Variants in RARB observed in about 807,000 individuals in gnomAD.
RARB encodes retinoic acid receptor beta.
RARB carries 17 observed loss-of-function variants against 51.9 expected under a neutral mutation model. The ratio of observed to expected loss-of-function variants is 0.33; its 90% CI spans 0.22 to 0.49. The LOEUF (loss-of-function observed/expected upper bound fraction) is 0.49. RARB is among the 20% of genes least tolerant of loss of function. The pLI, the probability that RARB is intolerant of heterozygous loss-of-function variation, is 0.99. For synonymous variants in RARB, 215 were observed against 195.4 expected (o/e 1.10, Z -0.84); for missense variants, 369 against 550.8 (o/e 0.67, Z 3.30).
chr3:25,081,185 C>A (rs2125312901), intron 3 of RARB, among the ~76,000 whole-genome samples: 1 of 152,024 alleles, frequency 6.6e-6, no homozygotes. Context: ...TTTAAATTAT[C>A]CTTCTGTGAG....
chr3:25,221,556 C>T (rs553309691), intron 5 of RARB, among the ~76,000 whole-genome samples: 2 of 152,306 alleles, frequency 1.3e-5, no homozygotes, highest in South Asian at 2.1e-4. Flanking sequence ...CAAAATTCTG[C>T]ACTAGCCTAA....
chr3:25,008,849 A>G (rs1192340853), intron 2 of RARB, among the ~76,000 whole-genome samples: 3 of 152,098 alleles, frequency 2.0e-5, no homozygotes, highest in African/African-American at 7.2e-5. Flanking sequence ...TATTTTGGTC[A>G]TGTGAACAAT....
chr3:24,919,222 T>C (rs1346059409), intron 2 of RARB, among the ~76,000 whole-genome samples: 2 of 152,234 alleles, frequency 1.3e-5, no homozygotes, highest in Non-Finnish European at 2.9e-5. Context: ...TTCACTACTT[T>C]TTGGCTCAAA....
At chr3:25,233,422 G>A (rs1702229812) in intron 5 of RARB, among the ~76,000 whole-genome samples, 1 of 152,212 alleles carries the variant, frequency 6.6e-6, no homozygotes, top group South Asian at 2.1e-4. Flanking sequence ...ATTAGTTCTA[G>A]GAGGTTTGTG....
intron 5 of RARB, among the ~76,000 whole-genome samples, chr3:25,414,926 C>T (rs577260723): frequency 1.3e-5 from 2 of 152,296 alleles, no homozygotes; most frequent in Admixed American, 1.3e-4. Flanking sequence ...ACTGCAACCT[C>T]CACCTCCTGG....
In RARB at chr3:24,832,652, A is replaced by ATATATATATATATATAT. The variant is rs1491520085; in HGVS notation, c.-459+3250_-459+3251insATATATATATATATATT. On this transcript the variant is annotated intron_variant, in intron 1 of 11. Coordinates refer to the RARB transcript ENST00000383772. ...CAATATATATATATATATATATATA[A>ATATATATATATATATAT]TGTCAATTAAAAATGAAATTCTTAA... Among the ~76,000 whole-genome samples the ATATATATATATATATAT allele has an allele frequency of 2.6e-4, 16 of 61,064 alleles. 1 individual carries two copies. The highest frequency in any genetic ancestry group is 1.4e-3 in the African/African-American group (15 of 10,558). 40.1% of individuals were successfully genotyped at this position (61,064 alleles called of 152,430 possible). A position where few individuals can be genotyped will look rare whatever the true frequency, so the allele number is the denominator to read the frequency against.
Position 25,428,836 on chromosome 3 carries a change from A to T in RARB, c.105A>T (p.Ala35=), listed in dbSNP as rs577970077. The part of the protein sequence containing the change: ...SCMLQEKALK[A]CFSGLTQTEW... ...TGCTCCAGGAGAAAGCTCTCAAAGC[A>T]TGCTTCAGTGGATTGACCCAAACCG... is the stretch of plus-strand genomic sequence containing the variant. The change falls in exon 1 of 8, where the codon GCA becomes GCT. Residue 35 remains alanine (A), a synonymous_variant. Transcript: ENST00000330688. The T allele has an allele frequency of 6.2e-7, 1 of 1,614,130 alleles. No individual in the cohort carries two copies. The highest frequency in any genetic ancestry group is 2.2e-5 in the East Asian group (1 of 44,864).
chr3:25,585,584 A>G (rs537094893), intron 5 of RARB, among the ~76,000 whole-genome samples: 47 of 152,340 alleles, frequency 3.1e-4, no homozygotes, highest in African/African-American at 9.9e-4. Flanking sequence ...GGGTTTTCAT[A>G]TCAGCCCCGT....
intron 2 of RARB, among the ~76,000 whole-genome samples, chr3:24,891,904 C>T (rs1296845513): frequency 6.6e-6 from 1 of 152,124 alleles, no homozygotes; most frequent in African/African-American, 2.4e-5. Flanking sequence ...TCCTAAGCCC[C>T]CCTTGATTCT....
intron 2 of RARB, among the ~76,000 whole-genome samples, chr3:25,478,536 T>C (rs1230959706): frequency 1.3e-5 from 2 of 152,190 alleles, no homozygotes; most frequent in Non-Finnish European, 2.9e-5. Context: ...CTTGCCCTAC[T>C]TCAGGGGACA....
At chr3:25,443,316 T>G in intron 1 of RARB, among the ~76,000 whole-genome samples, 1 of 152,054 alleles carries the variant, frequency 6.6e-6, no homozygotes, top group East Asian at 1.9e-4. Context: ...GTGGAATATT[T>G]CCCTGGGCTA....
chr3:25,176,342 C>T (rs201222943), intron 5 of RARB, among the ~76,000 whole-genome samples: 9,682 of 49,698 alleles, frequency 0.19, 1,109 homozygotes, highest in African/African-American at 0.24. Context: ...TCTTTCCTTC[C>T]TTCCTTCCTT....
chr3:25,444,783 G>C (rs1355699956), intron 1 of RARB, among the ~76,000 whole-genome samples: 1 of 152,172 alleles, frequency 6.6e-6, no homozygotes, highest in Non-Finnish European at 1.5e-5. Context: ...GTGATAGGCA[G>C]GTGGTATTCA....
chr3:24,832,651 A>ATATATATAT (rs1553606277), intron 1 of RARB, among the ~76,000 whole-genome samples: 28 of 136,678 alleles, frequency 2.0e-4, no homozygotes, highest in South Asian at 7.0e-4. Flanking sequence ...ATATATATAT[A>ATATATATAT]ATGTCAATTA....
rs555193411 is a variant in RARB at position 25,330,487 on chromosome 3, C to T, written c.179-130706C>T. 4.6e-5 allele frequency among the ~76,000 whole-genome samples: 7 copies of T among 152,278 alleles called. No homozygotes were observed. In the East Asian group the frequency reaches 1.3e-3, roughly 29 times the overall value. On this transcript the variant is annotated intron_variant, in intron 5 of 11. Transcript: ENST00000383772. ...GCTGAGAGATTTTGTCACAACCAGG[C>T]CTGCCCTACAAGAGCTCCTGAAGGA... is the stretch of plus-strand genomic sequence containing the variant.
At chr3:25,261,860 G>T (rs978029354) in intron 5 of RARB, among the ~76,000 whole-genome samples, 2 of 151,930 alleles carry the variant, frequency 1.3e-5, no homozygotes, top group Non-Finnish European at 2.9e-5. Context: ...CCCAAAATTC[G>T]GTGCTTCCTT....
At chr3:25,367,209 A>G (rs1349072504) in intron 5 of RARB, among the ~76,000 whole-genome samples, 1 of 152,188 alleles carries the variant, frequency 6.6e-6, no homozygotes, top group African/African-American at 2.4e-5. Flanking sequence ...TTGGGTTTTC[A>G]ATGTTGGTAC....
intron 5 of RARB, among the ~76,000 whole-genome samples, chr3:25,217,228 A>T (rs1701854189): frequency 6.6e-6 from 1 of 152,168 alleles, no homozygotes; most frequent in Non-Finnish European, 1.5e-5. Flanking sequence ...GAACAGGATA[A>T]ATGTTTAAGT....
intron 2 of RARB, among the ~76,000 whole-genome samples, chr3:24,870,019 G>C (rs1702918656): frequency 1.3e-5 from 2 of 151,948 alleles, no homozygotes; most frequent in South Asian, 2.1e-4. Context: ...TTCATGTTCA[G>C]TGAACATTTA....
Sources: allele counts gnomAD v4.1 joint callset (sites outside exome capture counted in the v4.1 genomes callset), GRCh38; gene constraint gnomAD v4.1.1; transcripts MANE v1.5; gene names NCBI Gene and HGNC (gene_info 2026-07-23, HGNC 2026-07-21).